EHD1: variants seen among roughly 807,000 people sequenced by gnomAD.
EHD1 encodes EH domain containing 1.
Under a neutral mutation model 39.0 loss-of-function variants are expected in EHD1, and 19 were observed. That is an observed-to-expected ratio of 0.49 (90% CI 0.34 to 0.72). EHD1 has a LOEUF of 0.72. Ranked by LOEUF, EHD1 falls within the 30% of genes least tolerant of loss-of-function variation. The pLI is 0.01. For synonymous variants in EHD1, 323 were observed against 331.2 expected, an observed-to-expected ratio of 0.98 and a Z score of 0.27; for missense variants, 542 against 751.5, an observed-to-expected ratio of 0.72 and a Z score of 3.26.
At chr11:64,855,083 G>A in intron 4 of EHD1, 1 of 829,786 alleles carries the variant, frequency 1.2e-6, no homozygotes, top group East Asian at 2.7e-5. Flanking sequence ...CAGGGCACCA[G>A]AGCGCCTGGC....
chr11:64,860,913 G>A (rs1007959613), intron 2 of EHD1, among the ~76,000 whole-genome samples: 2 of 151,362 alleles, frequency 1.3e-5, no homozygotes, highest in South Asian at 4.2e-4. Flanking sequence ...CCAGTTACTC[G>A]AGAGGCTGAG....
chr11:64,871,578 G>A (rs925102246), intron 2 of EHD1, among the ~76,000 whole-genome samples: 2 of 152,242 alleles, frequency 1.3e-5, no homozygotes, highest in Non-Finnish European at 2.9e-5. Context: ...CTAGGGCTAT[G>A]GAGGAAAAGA....
rs1478149609 is a variant in EHD1, at chr11:64,853,117, C to T, written c.*1216G>A. ...GGAGGCGGCCTGAACTGGCCCGGGC[C>T]ACTGGGCCGCAAGGTTCTGGTTTCT... is the stretch of plus-strand genomic sequence containing the variant. On this transcript the variant is annotated 3_prime_UTR_variant, in exon 5 of 5. Transcript: ENST00000320631. The T allele has an allele frequency of 1.3e-5, 2 of 151,548 alleles. No homozygotes were observed. Among genetic ancestry groups the T allele is most frequent in the African/African-American group, 2.4e-5 (1 of 41,284 alleles). The allele number at this position is 151,548 out of a possible 1,614,324, so 9.4% of individuals were successfully genotyped here. A position where few individuals can be genotyped will look rare whatever the true frequency, so the allele number is the denominator to read the frequency against.
intron 3 of EHD1, chr11:64,855,849 C>T (rs550458455): frequency 1.9e-4 from 52 of 277,810 alleles, no homozygotes; most frequent in African/African-American, 1.1e-3. Flanking sequence ...ACATCACACA[C>T]CCTCTGTTCA....
intron 2 of EHD1, among the ~76,000 whole-genome samples, chr11:64,863,634 G>T (rs1356635128): frequency 6.6e-6 from 1 of 152,168 alleles, no homozygotes; most frequent in African/African-American, 2.4e-5. Flanking sequence ...CACTCCTGCC[G>T]CCTGCCCCGG....
chr11:64,873,534 G>A (rs980342891), intron 2 of EHD1, among the ~76,000 whole-genome samples: 1 of 152,156 alleles, frequency 6.6e-6, no homozygotes, highest in Non-Finnish European at 1.5e-5. Context: ...AAGCATGACA[G>A]CCACATAAGA....
At chr11:64,854,978 G>A (rs1327887778) in intron 4 of EHD1, 121 bp from the exon 5 acceptor site, 14 of 1,309,716 alleles carry the variant, frequency 1.1e-5, no homozygotes, top group South Asian at 2.7e-5. Context: ...TAGCAGGGGC[G>A]ACTCGGCAAA....
chr11:64,859,758 G>C, intron 3 of EHD1, 166 bp downstream of exon 3: 1 of 970,098 alleles, frequency 1.0e-6, no homozygotes, highest in Non-Finnish European at 1.5e-6. Context: ...GGCTGCACGC[G>C]GGTGCTGACC....
At chr11:64,869,941 G>A (rs2136494398) in intron 2 of EHD1, among the ~76,000 whole-genome samples, 1 of 152,274 alleles carries the variant, frequency 6.6e-6, no homozygotes, top group East Asian at 1.9e-4. Context: ...TGGGAGTGTG[G>A]GCAGGGAGGC....
Position 64,878,123 on chromosome 11 carries a change from G to C in EHD1, c.342C>G (p.Leu114=), listed in dbSNP as rs61742148. Reference sequence around the variant, plus strand: ...GGAAGGGGCGCCGCGGGTCCACCACGAGCGCGTTGCCCGGCACCACGCCCT... The same window carrying C: ...GGAAGGGGCGCCGCGGGTCCACCACCAGCGCGTTGCCCGGCACCACGCCCT... ...PTEGVVPGNA[L]VVDPRRPFRK... Residue 114 remains leucine, a synonymous_variant, in exon 1 of 5, where the codon CTC becomes CTG. Coordinates refer to ENST00000320631, the MANE Select transcript of EHD1 (RefSeq NM_006795.4). 1.1e-3 allele frequency: 1,646 copies of C among 1,565,178 alleles called. 18 individuals carry two copies. In the African/African-American group the frequency reaches 0.02, roughly 19 times the overall value.
In EHD1 at chr11:64,854,209, T is replaced by G. The variant is rs1254357438; in HGVS notation, c.*124A>C. ...CTTAAAAGAAAGATGGTGGTTTTCC[T>G]TTTCGAGAGGCGAGGAAACATCCGC... On this transcript the variant is annotated 3_prime_UTR_variant, in exon 5 of 5. Transcript: ENST00000320631. 1 of 1,422,980 alleles carries G rather than the reference T, an allele frequency of 7.0e-7. No individual in the cohort carries two copies. Among genetic ancestry groups the G allele is most frequent in the Non-Finnish European group, 9.2e-7 (1 of 1,086,778 alleles). The allele number at this position is 1,422,980 out of a possible 1,614,324, so 88.1% of individuals were successfully genotyped here. A position where few individuals can be genotyped will look rare whatever the true frequency, so the allele number is the denominator to read the frequency against.
In EHD1 at chr11:64,868,611, G is replaced by A. The variant is rs951834922; in HGVS notation, c.502+5810C>T. Among the ~76,000 whole-genome samples, 5 of 152,206 alleles carry A rather than the reference G, an allele frequency of 3.3e-5. No homozygotes were observed. Among genetic ancestry groups the A allele is most frequent in the African/African-American group, 9.7e-5 (4 of 41,438 alleles). On this transcript the variant is annotated intron_variant, in intron 2 of 4. Coordinates refer to ENST00000320631, the MANE Select transcript of EHD1 (RefSeq NM_006795.4). The surrounding 1 kb of genome is among the most constrained non-coding windows in gnomAD (Gnocchi z 4.2). The stretch of plus-strand genomic sequence containing the variant: ...TATGATTCCATTTAGGTGACATTCC[G>A]GAAAAGGCAAAAGTTAGAGACAAAG...
At chr11:64,855,600 C>T in intron 3 of EHD1, 114 bp from the exon 4 acceptor site, 1 of 1,507,462 alleles carries the variant, frequency 6.6e-7, no homozygotes, top group Non-Finnish European at 9.0e-7. Flanking sequence ...AACAGGGAAG[C>T]AGGAGGGATG....
At chr11:64,855,532 C>G (rs1943641846) in intron 3 of EHD1, 46 bp from the exon 4 acceptor site, 1 of 1,607,260 alleles carries the variant, frequency 6.2e-7, no homozygotes, top group Non-Finnish European at 8.5e-7. Context: ...GCCCAGGCTG[C>G]CCCCGAGAGC....
At chr11:64,876,100 C>T (rs1454476984) in intron 1 of EHD1, among the ~76,000 whole-genome samples, 1 of 152,216 alleles carries the variant, frequency 6.6e-6, no homozygotes, top group Non-Finnish European at 1.5e-5. Flanking sequence ...GGTTTCATCT[C>T]GCACAAGTGG....
chr11:64,863,768 A>T (rs1592748790), intron 2 of EHD1, among the ~76,000 whole-genome samples: 2 of 151,624 alleles, frequency 1.3e-5, no homozygotes, highest in Non-Finnish European at 2.9e-5. Context: ...TCTGCACTCC[A>T]CTCCCGCCCC....
intron 2 of EHD1, 137 bp from the exon 3 acceptor site, chr11:64,860,473 G>T: frequency 8.0e-7 from 1 of 1,252,764 alleles, no homozygotes; most frequent in Non-Finnish European, 1.1e-6. Flanking sequence ...GGTGGCTCAC[G>T]CCTGTAATCC....
intron 1 of EHD1, chr11:64,877,824 C>A: frequency 2.5e-6 from 1 of 403,164 alleles, no homozygotes. Flanking sequence ...TTGGTGGTTA[C>A]CCTGGAAGAT....
rs1943794277 is a variant in EHD1, at chr11:64,868,649, C to G, written c.502+5772G>C. Among the ~76,000 whole-genome samples, 1 of 152,228 alleles carries G rather than the reference C, an allele frequency of 6.6e-6. No individual in the cohort carries two copies. The highest frequency in any genetic ancestry group is 1.5e-5 in the Non-Finnish European group (1 of 68,036). On this transcript the variant is annotated intron_variant, in intron 2 of 4. Coordinates refer to ENST00000320631, the MANE Select transcript of EHD1 (RefSeq NM_006795.4). This position sits in a 1 kb window ranked among gnomAD's most constrained non-coding sequence, Gnocchi z 4.2. ...GTTAGAGACAAAGGTCAGTGGGCTG[C>G]CTGGGACCAGGAGTGACTATGAGGG...
Sources: allele counts gnomAD v4.1 joint callset (sites outside exome capture counted in the v4.1 genomes callset), GRCh38; gene constraint gnomAD v4.1.1; non-coding constraint Gnocchi (gnomAD v3.1); transcripts MANE v1.5; gene names NCBI Gene and HGNC (gene_info 2026-07-23, HGNC 2026-07-21).